The following DMD variants were observed in gnomAD, a reference collection of about 807,000 sequenced individuals.
The protein encoded by DMD is mutant dystrophin.
In DMD, 63 loss-of-function variants were observed where a neutral mutation model predicts 330.1. That is an observed-to-expected ratio of 0.19 (90% CI 0.16 to 0.24). DMD has a LOEUF of 0.24. DMD is among the 10% of genes least tolerant of loss of function. DMD has a pLI of 1.00. For synonymous variants in DMD, 1,223 were observed against 959.8 expected (o/e 1.27, Z -5.07); for missense variants, 3,344 against 2,684.1 (o/e 1.25, Z -5.43).
intron 2 of DMD, among the ~76,000 whole-genome samples, chrX:33,010,000 A>ATGTG (rs1323678933): frequency 3.5e-5 from 1 of 28,799 alleles, no homozygotes; most frequent in African/African-American, 1.5e-4. Context: ...ATATACACGT[A>ATGTG]TGTATGTGTA....
chrX:31,691,209 G>C (rs1310378377), intron 52 of DMD, among the ~76,000 whole-genome samples: 1 of 111,247 alleles, frequency 9.0e-6, no homozygotes, highest in Non-Finnish European at 1.9e-5. Context: ...TCAAATTTAA[G>C]TTATTATCAG....
At chrX:32,342,769 T>C (rs1269368803) in intron 40 of DMD, 4 of 335,484 alleles carry the variant, frequency 1.2e-5, no homozygotes, top group African/African-American at 2.6e-5. Flanking sequence ...GAGTGAACAC[T>C]GATGTGTGAA....
chrX:32,680,882 C>T (rs73453088), intron 9 of DMD, among the ~76,000 whole-genome samples: 12,714 of 110,532 alleles, frequency 0.12, 1,759 homozygotes, highest in African/African-American at 0.39. Flanking sequence ...ATATTTGAGA[C>T]GGGAGTGGGG....
At chrX:33,255,896 T>C (rs1192930532) in intron 1 of DMD, among the ~76,000 whole-genome samples, 3 of 111,660 alleles carry the variant, frequency 2.7e-5, no homozygotes, top group Non-Finnish European at 3.8e-5. Flanking sequence ...TTCCACAAAT[T>C]AGGCCATCCA....
chrX:32,412,004 C>G (rs933785367), intron 29 of DMD, 91 bp from the exon 30 acceptor site: 1 of 1,187,822 alleles, frequency 8.4e-7, no homozygotes, highest in South Asian at 1.8e-5. Flanking sequence ...AGATTCTAGA[C>G]TCTTCCACAA....
At chrX:31,639,916 G>C (rs1304798197) in intron 54 of DMD, among the ~76,000 whole-genome samples, 3 of 110,672 alleles carry the variant, frequency 2.7e-5, no homozygotes, top group Non-Finnish European at 5.7e-5. Context: ...AGAGCCACTG[G>C]GGAATCTCAA....
intron 45 of DMD, among the ~76,000 whole-genome samples, chrX:31,946,895 A>G (rs1027342616): frequency 9.0e-6 from 1 of 111,253 alleles, no homozygotes; most frequent in African/African-American, 3.3e-5. Flanking sequence ...AGTTGCTAAG[A>G]AAATGCCACA....
At chrX:31,576,759 G>GTTTTTTTTTTTTTTTTTT (rs201477815) in intron 55 of DMD, among the ~76,000 whole-genome samples, 32 of 103,644 alleles carry the variant, frequency 3.1e-4, no homozygotes, top group Non-Finnish European at 4.0e-4. Context: ...ATATGAGGTT[G>GTTTTTTTTTTTTTTTTTT]TTTTTTTTTG....
intron 2 of DMD, among the ~76,000 whole-genome samples, chrX:32,958,115 G>A (rs1250246875): frequency 2.7e-5 from 3 of 111,481 alleles, no homozygotes; most frequent in African/African-American, 6.5e-5. Context: ...GATTTTCAGC[G>A]TAAGAGAGAA....
At chrX:32,666,343 G>A (rs924844989) in intron 9 of DMD, among the ~76,000 whole-genome samples, 1 of 110,508 alleles carries the variant, frequency 9.0e-6, no homozygotes, top group African/African-American at 3.3e-5. Flanking sequence ...TTATCCTAAT[G>A]CTCTCCCTAC....
intron 2 of DMD, among the ~76,000 whole-genome samples, chrX:32,960,751 G>A (rs1440675266): frequency 3.6e-5 from 4 of 110,031 alleles, no homozygotes; most frequent in East Asian, 2.9e-4. Context: ...TTAAACTGAC[G>A]TCCACTTTTG....
intron 7 of DMD, among the ~76,000 whole-genome samples, chrX:32,771,615 G>C (rs1425435480): frequency 1.8e-5 from 2 of 110,790 alleles, no homozygotes; most frequent in Non-Finnish European, 3.8e-5. Flanking sequence ...AATATTTTCA[G>C]TGTCTCACCC....
At chrX:31,134,412 A>C (rs753759475) in intron 76 of DMD, among the ~76,000 whole-genome samples, 65 of 91,031 alleles carry the variant, frequency 7.1e-4, no homozygotes, top group Non-Finnish European at 9.8e-4. Context: ...AGAAAAAAAA[A>C]CTGTATATCT....
intron 65 of DMD, among the ~76,000 whole-genome samples, chrX:31,209,088 T>C (rs1309580446): frequency 8.9e-6 from 1 of 112,007 alleles, no homozygotes; most frequent in Non-Finnish European, 1.9e-5. Context: ...GTGTCCTAAG[T>C]ATCAGCTAAG....
chrX:32,294,885 G>C (rs1430512590), intron 42 of DMD, among the ~76,000 whole-genome samples: 2 of 111,402 alleles, frequency 1.8e-5, no homozygotes, highest in Non-Finnish European at 3.8e-5. Context: ...AGTTTGTCTA[G>C]AAATAAGTGA....
intron 15 of DMD, among the ~76,000 whole-genome samples, chrX:32,571,911 T>G (rs1488233510): frequency 9.0e-6 from 1 of 111,505 alleles, no homozygotes; most frequent in Non-Finnish European, 1.9e-5. Flanking sequence ...AGTTCAGGTC[T>G]TCTGATTAGT....
chrX:32,210,700 T>C (rs1434879258), intron 44 of DMD, among the ~76,000 whole-genome samples: 1 of 111,620 alleles, frequency 9.0e-6, no homozygotes, highest in African/African-American at 3.3e-5. Context: ...ATACGAAAAC[T>C]CATTCTCTGT....
intron 55 of DMD, among the ~76,000 whole-genome samples, chrX:31,559,640 C>CAAAAAAAAAAAAAA (rs1167550498): frequency 1.7e-3 from 36 of 21,628 alleles, no homozygotes; most frequent in Middle Eastern, 0.053. Context: ...AACTCCGTCT[C>CAAAAAAAAAAAAAA]AAAAAAAAAA....
chrX:31,374,678 G>T (rs1484851078), intron 60 of DMD, among the ~76,000 whole-genome samples: 1 of 65,455 alleles, frequency 1.5e-5, no homozygotes, highest in African/African-American at 5.4e-5. Flanking sequence ...GTTGTGGGGT[G>T]GGGGGAGGGG....
Sources: gnomAD v4.1 joint callset for allele counts (sites outside exome capture counted in the v4.1 genomes callset) on GRCh38, gnomAD v4.1.1 for gene constraint, MANE v1.5 for transcripts, NCBI Gene and HGNC (gene_info 2026-07-23, HGNC 2026-07-21) for gene names.